The following GRB14 variants were observed in gnomAD, a reference collection of about 807,000 sequenced individuals.
The protein encoded by GRB14 is growth factor receptor-bound protein 14.
A neutral mutation model predicts 69.1 loss-of-function variants in GRB14; 38 were observed. That is an observed-to-expected ratio of 0.55 (90% confidence interval 0.42 to 0.72). GRB14 has a LOEUF of 0.72. Among genes scored for constraint, GRB14 ranks in the 30% least tolerant of loss-of-function variants. The pLI, the probability that GRB14 is intolerant of heterozygous loss-of-function variation, is 0.00. For synonymous variants in GRB14, 247 were observed against 241.3 expected, an observed-to-expected ratio of 1.02 and a Z score of -0.22; for missense variants, 666 against 666.1, an observed-to-expected ratio of 1.00 and a Z score of 0.00.
chr2:164,600,831 A>G (rs912236977), intron 2 of GRB14, among the ~76,000 whole-genome samples: 3 of 152,122 alleles, frequency 2.0e-5, no homozygotes, highest in South Asian at 2.1e-4. Context: ...CCATGCTTTT[A>G]AGACCCAGTA....
chr2:164,573,982 C>A (rs112452580), intron 2 of GRB14: 1 of 1,586,162 alleles, frequency 6.3e-7, no homozygotes, highest in South Asian at 1.1e-5. Flanking sequence ...CCTTTAGAAG[C>A]CAGATGTTGG....
intron 2 of GRB14, among the ~76,000 whole-genome samples, chr2:164,552,089 G>T (rs1402782173): frequency 6.6e-6 from 1 of 152,172 alleles, no homozygotes; most frequent in Non-Finnish European, 1.5e-5. Context: ...AGCTAAGAGT[G>T]AAAACTCACT....
chr2:164,609,232 T>C (rs762298488), intron 2 of GRB14, among the ~76,000 whole-genome samples: 25 of 152,354 alleles, frequency 1.6e-4, no homozygotes, highest in Non-Finnish European at 2.9e-4. Context: ...TGACTGCCAT[T>C]GCACTATGCT....
chr2:164,589,840 A>C (rs953780137), intron 2 of GRB14, among the ~76,000 whole-genome samples: 4 of 152,158 alleles, frequency 2.6e-5, no homozygotes, highest in African/African-American at 9.7e-5. Context: ...TATAAGCAAC[A>C]AAAGTTTCTT....
chr2:164,573,272 T>C (rs1201979952), intron 2 of GRB14, among the ~76,000 whole-genome samples: 1 of 152,232 alleles, frequency 6.6e-6, no homozygotes, highest in African/African-American at 2.4e-5. Context: ...TTGTACACAG[T>C]AGGCCTTATG....
chr2:164,578,187 C>A (rs966971926), intron 2 of GRB14, among the ~76,000 whole-genome samples: 1 of 151,720 alleles, frequency 6.6e-6, no homozygotes, highest in Non-Finnish European at 1.5e-5. Context: ...GAGCCAAGAT[C>A]GTGCCACTGC....
At chr2:164,536,389 ATC>A (rs1688080752) in intron 3 of GRB14, among the ~76,000 whole-genome samples, 1 of 152,104 alleles carries the variant, frequency 6.6e-6, no homozygotes, top group Non-Finnish European at 1.5e-5. Context: ...GGCTTTAAAA[ATC>A]TCTTTAAAAG....
At chr2:164,531,219 T>C (rs1687927347) in intron 3 of GRB14, among the ~76,000 whole-genome samples, 1 of 152,164 alleles carries the variant, frequency 6.6e-6, no homozygotes, top group Non-Finnish European at 1.5e-5. Flanking sequence ...AAGGGGGAAG[T>C]TGCATCCTTA....
At chr2:164,552,895 G>T (rs1400800184) in intron 2 of GRB14, among the ~76,000 whole-genome samples, 2 of 152,176 alleles carry the variant, frequency 1.3e-5, no homozygotes, top group African/African-American at 4.8e-5. Flanking sequence ...ATGATGTGAA[G>T]ATGACCACTC....
chr2:164,602,133 T>A (rs1410538423), intron 2 of GRB14, among the ~76,000 whole-genome samples: 111 of 103,452 alleles, frequency 1.1e-3, no homozygotes, highest in African/African-American at 2.5e-3. Flanking sequence ...TTTTTAAATT[T>A]AAAAAAAAAA....
chr2:164,559,569 C>T (rs958353122), intron 2 of GRB14, among the ~76,000 whole-genome samples: 1 of 152,164 alleles, frequency 6.6e-6, no homozygotes, highest in Non-Finnish European at 1.5e-5. Context: ...AGTCACTTCA[C>T]TTAGAATAAT....
At chr2:164,543,080 CTCAGGAG>C (rs1335902547) in intron 3 of GRB14, among the ~76,000 whole-genome samples, 3 of 151,892 alleles carry the variant, frequency 2.0e-5, no homozygotes, top group Middle Eastern at 3.2e-3. Flanking sequence ...ATCACCTGAC[CTCAGGAG>C]TTGAATTCAA....
intron 2 of GRB14, among the ~76,000 whole-genome samples, chr2:164,594,224 A>G (rs1461559314): frequency 1.3e-5 from 2 of 152,198 alleles, no homozygotes; most frequent in Non-Finnish European, 2.9e-5. Flanking sequence ...GCTCAACAAA[A>G]AAAAGGGTTA....
chr2:164,558,369 A>G (rs1244777772), intron 2 of GRB14, among the ~76,000 whole-genome samples: 2 of 152,222 alleles, frequency 1.3e-5, no homozygotes, highest in Non-Finnish European at 2.9e-5. Context: ...TTTCATTATA[A>G]AAGAAAGCAA....
intron 5 of GRB14, among the ~76,000 whole-genome samples, chr2:164,523,227 A>C (rs188891155): frequency 6.6e-6 from 1 of 152,096 alleles, no homozygotes; most frequent in African/African-American, 2.4e-5. Context: ...CCTGTCCCAC[A>C]AATTGTTGGC....
chr2:164,500,020 G>T (rs1687006431), intron 9 of GRB14, among the ~76,000 whole-genome samples: 1 of 152,190 alleles, frequency 6.6e-6, no homozygotes, highest in East Asian at 1.9e-4. Flanking sequence ...TCTGTTGTAG[G>T]GTTCTTTTAT....
At chr2:164,602,484 C>G (rs1241318378) in intron 2 of GRB14, among the ~76,000 whole-genome samples, 1 of 152,058 alleles carries the variant, frequency 6.6e-6, no homozygotes, top group African/African-American at 2.4e-5. Context: ...CTTACAATTA[C>G]AGACAAACTT....
rs1053145958 is a variant in GRB14, at chr2:164,561,289, A to G, written c.325-13473T>C. ...ATGAGTTTTAGACTCCTCATACTGT[A>G]AAATGGGCAAAATGCTGGCAAACTG... is the stretch of plus-strand genomic sequence containing the variant. On this transcript the variant is annotated intron_variant, in intron 2 of 13. Transcript: ENST00000263915. 2.6e-5 allele frequency among the ~76,000 whole-genome samples: 4 copies of G among 152,156 alleles called. No individual in the cohort carries two copies. In the South Asian group the frequency reaches 8.3e-4, roughly 32 times the overall value.
intron 12 of GRB14, among the ~76,000 whole-genome samples, chr2:164,496,456 C>T (rs1686896828): frequency 6.6e-6 from 1 of 152,028 alleles, no homozygotes; most frequent in Non-Finnish European, 1.5e-5. Flanking sequence ...ACATGAGAAA[C>T]AGTTGAAAGG....
Sources: allele counts gnomAD v4.1 joint callset (sites outside exome capture counted in the v4.1 genomes callset), GRCh38; gene constraint gnomAD v4.1.1; transcripts MANE v1.5; gene names NCBI Gene and HGNC (gene_info 2026-07-23, HGNC 2026-07-21).